The following PDZD2 variants were observed in gnomAD, a reference collection of about 807,000 sequenced individuals.
PDZD2 encodes the protein PDZ domain-containing protein 2.
A neutral mutation model predicts 220.7 loss-of-function variants in PDZD2; 90 were observed. That is an observed-to-expected ratio of 0.41 (90% CI 0.34 to 0.49). The LOEUF (loss-of-function observed/expected upper bound fraction) is 0.49. PDZD2 is among the 20% of genes least tolerant of loss of function. The pLI is 0.28. For synonymous variants in PDZD2, 1,375 were observed against 1,450.5 expected (o/e 0.95, Z 1.18); for missense variants, 3,174 against 3,608.5 (o/e 0.88, Z 3.08).
chr5:31,641,884 A>G lies in PDZD2; in HGVS notation c.-361+2447A>G, dbSNP rs183371118. On this transcript the variant is annotated intron_variant, in intron 1 of 24. Transcript: ENST00000438447. ...GGCCTTATTTTTTTCATACCCAGAT[A>G]AGGCCTGGAACAGTTGCTAATCAAC... Among the ~76,000 whole-genome samples the G allele has an allele frequency of 1.8e-3, 279 of 152,034 alleles. 1 individual carries two copies. The highest frequency in any genetic ancestry group is 6.4e-3 in the African/African-American group (267 of 41,428).
chr5:31,943,238 G>A (rs1260262897), intron 2 of PDZD2, among the ~76,000 whole-genome samples: 2 of 152,008 alleles, frequency 1.3e-5, no homozygotes, highest in African/African-American at 4.8e-5. Context: ...ATCGATTTTG[G>A]CTTTTCCTGA....
intron 9 of PDZD2, among the ~76,000 whole-genome samples, chr5:32,053,233 C>T (rs1189498959): frequency 6.6e-6 from 1 of 152,222 alleles, no homozygotes; most frequent in Admixed American, 6.5e-5. Context: ...GAAAGAAAAG[C>T]AGAGCCTGCA....
chr5:32,091,161 A>G lies in PDZD2; in HGVS notation c.7713A>G (p.Arg2571=). Residue 2571 remains arginine (R), a synonymous_variant, in exon 20 of 25, where the codon AGA becomes AGG. Transcript: ENST00000438447. ...GEAAQDLPFR[R]SWSVNLDQLL... Reference sequence around the variant, plus strand: ...CTGCCCAGGATCTGCCTTTTAGAAGAAGCTGGTCAGTTAAGTAAGTATCTG... The same window carrying G: ...CTGCCCAGGATCTGCCTTTTAGAAGGAGCTGGTCAGTTAAGTAAGTATCTG... 2.6e-6 allele frequency: 4 copies of G among 1,565,690 alleles called. No homozygotes were observed. Among genetic ancestry groups the G allele is most frequent in the Non-Finnish European group, 3.5e-6 (4 of 1,150,428 alleles).
chr5:32,045,776 AT>A (rs1362122557), intron 7 of PDZD2, among the ~76,000 whole-genome samples: 1 of 151,976 alleles, frequency 6.6e-6, no homozygotes, highest in African/African-American at 2.4e-5. Flanking sequence ...TCAATTTCAT[AT>A]GTTTAAAAAC....
chr5:31,658,091 C>T (rs998574856), intron 1 of PDZD2, among the ~76,000 whole-genome samples: 2 of 152,184 alleles, frequency 1.3e-5, no homozygotes, highest in Non-Finnish European at 2.9e-5. Context: ...AAAAAATAAT[C>T]ACCCAGCTGT....
chr5:31,762,985 C>A (rs1751745692), intron 1 of PDZD2, among the ~76,000 whole-genome samples: 1 of 152,172 alleles, frequency 6.6e-6, no homozygotes, highest in African/African-American at 2.4e-5. Context: ...CTGGGAATCA[C>A]TGGACTTGAA....
At chr5:31,873,356 C>T (rs1230922197) in intron 2 of PDZD2, among the ~76,000 whole-genome samples, 2 of 151,650 alleles carry the variant, frequency 1.3e-5, no homozygotes, top group African/African-American at 4.8e-5. Flanking sequence ...ATTACCTGAG[C>T]CCAGGAGGTG....
intron 3 of PDZD2, 26 bp from the exon 4 acceptor site, chr5:31,995,550 A>G (rs1561292284): frequency 3.1e-6 from 5 of 1,613,780 alleles, no homozygotes; most frequent in Non-Finnish European, 4.2e-6. Flanking sequence ...AACCTCCTTC[A>G]TGGTGTGCTC....
At chr5:31,703,657 T>C (rs1747691580) in intron 1 of PDZD2, among the ~76,000 whole-genome samples, 1 of 152,062 alleles carries the variant, frequency 6.6e-6, no homozygotes, top group Admixed American at 6.6e-5. Flanking sequence ...AAGAAATGTG[T>C]CCCTCTGACT....
At chr5:31,954,653 G>A (rs897888516) in intron 2 of PDZD2, among the ~76,000 whole-genome samples, 1 of 152,158 alleles carries the variant, frequency 6.6e-6, no homozygotes, top group Non-Finnish European at 1.5e-5. Flanking sequence ...GAGGGGCTGG[G>A]CACAGTGACT....
intron 1 of PDZD2, among the ~76,000 whole-genome samples, chr5:31,792,349 G>A (rs1177213573): frequency 6.6e-6 from 1 of 152,174 alleles, no homozygotes; most frequent in East Asian, 1.9e-4. Context: ...TTCTAGTTCT[G>A]GCTCTGTTAC....
chr5:31,786,252 C>T (rs1182508282), intron 1 of PDZD2, among the ~76,000 whole-genome samples: 3 of 152,146 alleles, frequency 2.0e-5, no homozygotes, highest in Admixed American at 6.6e-5. Context: ...AGCAAGCAGG[C>T]GAGCAGTCCA....
intron 12 of PDZD2, among the ~76,000 whole-genome samples, chr5:32,058,918 T>C (rs1291116438): frequency 1.3e-5 from 2 of 152,096 alleles, no homozygotes; most frequent in East Asian, 3.9e-4. Flanking sequence ...AAAGCTTGAG[T>C]TTGTGTACCT....
chr5:31,953,224 G>A (rs1747340036), intron 2 of PDZD2, among the ~76,000 whole-genome samples: 1 of 152,086 alleles, frequency 6.6e-6, no homozygotes, highest in South Asian at 2.1e-4. Context: ...TATGGGACAG[G>A]AAATTTTATA....
intron 1 of PDZD2, among the ~76,000 whole-genome samples, chr5:31,784,567 G>A (rs1362255298): frequency 2.0e-5 from 3 of 152,188 alleles, no homozygotes; most frequent in Non-Finnish European, 2.9e-5. Flanking sequence ...GAATAGAAGG[G>A]GGGTGGTCAG....
intron 2 of PDZD2, among the ~76,000 whole-genome samples, chr5:31,875,138 G>T (rs535913601): frequency 6.6e-6 from 1 of 152,110 alleles, no homozygotes; most frequent in African/African-American, 2.4e-5. Flanking sequence ...CATTTTAACT[G>T]CCTTTGCTGT....
In PDZD2 at chr5:32,000,154, C is replaced by A; in HGVS notation, c.1137C>A (p.Ser379=). The change falls in exon 5 of 25, where the codon TCC becomes TCA. Residue 379 remains serine (S), a synonymous_variant. Coordinates refer to ENST00000438447, the MANE Select transcript of PDZD2 (RefSeq NM_178140.4). The surrounding 1 kb of genome is among the most constrained non-coding windows in gnomAD (Gnocchi z 4.5). ...CTTTCCTCAGGGATGGCAGGCTGTC[C>A]TTAGGAGATGAGCTGCTGGTAATCA... ...GGAAHRDGRL[S]LGDELLVING... is the part of the protein sequence containing the mutation. 6.2e-7 allele frequency: 1 copy of A among 1,614,104 alleles called. No individual in the cohort carries two copies. The highest frequency in any genetic ancestry group is 2.2e-5 in the East Asian group (1 of 44,882).
chr5:31,926,386 C>T (rs965341485), intron 2 of PDZD2, among the ~76,000 whole-genome samples: 2 of 149,820 alleles, frequency 1.3e-5, no homozygotes, highest in African/African-American at 2.5e-5. Context: ...ATTAGCCAGG[C>T]GTGGTGGTGC....
At chr5:31,727,433 G>A (rs572258443) in intron 1 of PDZD2, among the ~76,000 whole-genome samples, 93 of 152,324 alleles carry the variant, frequency 6.1e-4, no homozygotes, top group African/African-American at 2.0e-3. Flanking sequence ...ATGGCCGGGC[G>A]CGGTGGCTCA....
Sources: gnomAD v4.1 joint callset for allele counts (sites outside exome capture counted in the v4.1 genomes callset) on GRCh38, gnomAD v4.1.1 for gene constraint, Gnocchi (gnomAD v3.1) non-coding constraint, MANE v1.5 for transcripts, NCBI Gene and HGNC (gene_info 2026-07-23, HGNC 2026-07-21) for gene names.